The following PTCH1 variants were observed in gnomAD, a reference collection of about 807,000 sequenced individuals.
PTCH1 encodes patched 1.
PTCH1 carries 14 observed loss-of-function variants against 144.6 expected under a neutral mutation model. The observed-to-expected ratio is 0.10, with a 90% CI of 0.06 to 0.15. The LOEUF is 0.15. Ranked by LOEUF, PTCH1 falls within the 10% of genes least tolerant of loss-of-function variation. PTCH1 has a pLI of 1.00. For synonymous variants in PTCH1, 833 were observed against 793.6 expected (o/e 1.05, Z -0.83); for missense variants, 1,623 against 1,948.3 (o/e 0.83, Z 3.14).
At chr9:95,489,802 ATT>A (rs1272314588) in intron 2 of PTCH1, among the ~76,000 whole-genome samples, 3 of 136,962 alleles carry the variant, frequency 2.2e-5, no homozygotes. Flanking sequence ...GCTATGGATA[ATT>A]TTTTTTTTTT....
chr9:95,465,979 T>C (rs983462641), intron 15 of PTCH1, among the ~76,000 whole-genome samples: 4 of 152,220 alleles, frequency 2.6e-5, no homozygotes, highest in Non-Finnish European at 5.9e-5. Flanking sequence ...GACTTTTTTT[T>C]CCCCTCCAGC....
chr9:95,453,157 G>A (rs2136628757), intron 20 of PTCH1: 1 of 365,734 alleles, frequency 2.7e-6, no homozygotes, highest in South Asian at 2.3e-5. Flanking sequence ...TTTTGAGACA[G>A]AATCTCGCTC....
intron 1 of PTCH1, 76 bp from the exon 2 acceptor site, chr9:95,506,675 C>G (rs1274378588): frequency 7.3e-7 from 1 of 1,373,794 alleles, no homozygotes; most frequent in African/African-American, 1.5e-5. Flanking sequence ...TGCGCGCACC[C>G]GCCCGGTGAG....
intron 12 of PTCH1, among the ~76,000 whole-genome samples, chr9:95,471,223 C>T (rs1418088879): frequency 6.6e-6 from 1 of 152,168 alleles, no homozygotes. Flanking sequence ...TAACACAATC[C>T]AGGGAGAACT....
At chr9:95,485,232 A>G (rs1841874060) in intron 3 of PTCH1, among the ~76,000 whole-genome samples, 1 of 152,160 alleles carries the variant, frequency 6.6e-6, no homozygotes, top group African/African-American at 2.4e-5. Context: ...AGGTGTCAGC[A>G]ACAATTCCCA....
intron 12 of PTCH1, among the ~76,000 whole-genome samples, chr9:95,472,499 G>T (rs1446549969): frequency 6.6e-6 from 1 of 152,158 alleles, no homozygotes; most frequent in African/African-American, 2.4e-5. Context: ...GTCATCCTGG[G>T]GGCCGAATCC....
rs1489815283 is a variant in PTCH1, at chr9:95,443,797, TTTGTAA to T, written c.*2590_*2595del. On this transcript the variant is annotated 3_prime_UTR_variant, in exon 24 of 24. Transcript: ENST00000331920. ...ATAAATTATATGGCATACTTTTATC[TTTGTAA>T]TTGAAATGACACAAACTCATTTCCA... The T allele has an allele frequency of 6.6e-6, 1 of 152,670 alleles. No individual in the cohort carries two copies. The highest frequency in any genetic ancestry group is 1.5e-5 in the Non-Finnish European group (1 of 68,042). 9.5% of individuals were successfully genotyped at this position (152,670 alleles called of 1,614,324 possible). A position where few individuals can be genotyped will look rare whatever the true frequency, so the allele number is the denominator to read the frequency against.
intron 2 of PTCH1, among the ~76,000 whole-genome samples, chr9:95,502,468 C>T (rs1843212625): frequency 6.6e-6 from 1 of 152,200 alleles, no homozygotes; most frequent in South Asian, 2.1e-4. Context: ...TTCTCCCCCA[C>T]CTTGCTGCCA....
At chr9:95,506,717 C>T in intron 1 of PTCH1, 118 bp from the exon 2 acceptor site, 14 of 1,119,138 alleles carry the variant, frequency 1.3e-5, no homozygotes, top group Non-Finnish European at 1.5e-5. Flanking sequence ...CGGGTGGCCG[C>T]GGCACACGGA....
At chr9:95,501,815 G>A (rs1326961177) in intron 2 of PTCH1, among the ~76,000 whole-genome samples, 1 of 152,152 alleles carries the variant, frequency 6.6e-6, no homozygotes, top group Non-Finnish European at 1.5e-5. Flanking sequence ...GATACTGAGG[G>A]AGATGGGTTA....
intron 17 of PTCH1, 152 bp downstream of exon 17, chr9:95,459,448 T>C (rs1839257790): frequency 1.0e-6 from 1 of 980,622 alleles, no homozygotes; most frequent in Admixed American, 2.0e-5. Flanking sequence ...CACATCCTCG[T>C]CTCCCAGAGT....
exon 1 of PTCH1, chr9:95,516,888 A>G (rs1412741608): frequency 1.7e-5 from 23 of 1,356,394 alleles, no homozygotes; most frequent in Non-Finnish European, 2.2e-5. Flanking sequence ...CGGATCCGAA[A>G]ACTTTACCCC....
At chr9:95,487,619 TTA>T (rs1362235621) in intron 2 of PTCH1, among the ~76,000 whole-genome samples, 1 of 152,206 alleles carries the variant, frequency 6.6e-6, no homozygotes, top group Admixed American at 6.5e-5. Context: ...AAAAAGCCAG[TTA>T]TGAGTCCAGA....
intron 1 of PTCH1, among the ~76,000 whole-genome samples, chr9:95,515,730 T>A (rs750594698): frequency 6.6e-6 from 1 of 152,130 alleles, no homozygotes; most frequent in Non-Finnish European, 1.5e-5. Context: ...CCCAAGCGCC[T>A]GAATCGGTGG....
chr9:95,453,884 T>G (rs1838690011), intron 19 of PTCH1, among the ~76,000 whole-genome samples: 1 of 152,230 alleles, frequency 6.6e-6, no homozygotes, highest in Non-Finnish European at 1.5e-5. Context: ...AAATGTCCCC[T>G]TCTTTTCACT....
At chr9:95,471,733 G>T (rs1840602539) in intron 12 of PTCH1, among the ~76,000 whole-genome samples, 2 of 152,128 alleles carry the variant, frequency 1.3e-5, no homozygotes, top group South Asian at 4.1e-4. Flanking sequence ...AGAGGCTTCA[G>T]CAGGGTTTAT....
At chr9:95,491,675 G>T (rs1463519959) in intron 2 of PTCH1, among the ~76,000 whole-genome samples, 1 of 152,124 alleles carries the variant, frequency 6.6e-6, no homozygotes, top group Non-Finnish European at 1.5e-5. Flanking sequence ...CACCAGCTGA[G>T]AACATGAGTA....
rs140080993 is a variant in PTCH1 at position 95,470,253 on chromosome 9, G to A, written c.1729-322C>T. Among the ~76,000 whole-genome samples, 634 of 152,300 alleles carry A rather than the reference G, an allele frequency of 4.2e-3. 2 individuals are homozygous for A. The highest frequency in any genetic ancestry group is 0.01 in the Middle Eastern group (3 of 294). On this transcript the variant is annotated intron_variant, in intron 12 of 23. Transcript: ENST00000331920. Reference sequence around the variant, plus strand: ...CAAAGGCAGAACAGAGAGCACACTCGAGATAGAATTTAAAACAAACAGAAG... The same window carrying A: ...CAAAGGCAGAACAGAGAGCACACTCAAGATAGAATTTAAAACAAACAGAAG...
In PTCH1 at chr9:95,476,727, C is replaced by T. The variant is rs2118277703; in HGVS notation, c.1602+32G>A. ...TAGGAACAGAGGAAGCTGTGATGTC[C>T]CCAAAGCTCTCTTCTTTTGTTTTTG... On this transcript the variant is annotated intron_variant, in intron 11 of 23. Transcript: ENST00000331920. This position sits in a 1 kb window ranked among gnomAD's most constrained non-coding sequence, Gnocchi z 4.6. 7 of 1,579,604 alleles carry T rather than the reference C, an allele frequency of 4.4e-6. No individual in the cohort carries two copies. The highest frequency in any genetic ancestry group is 6.1e-6 in the Non-Finnish European group (7 of 1,152,102).
Sources: allele counts gnomAD v4.1 joint callset (sites outside exome capture counted in the v4.1 genomes callset), GRCh38; gene constraint gnomAD v4.1.1; non-coding constraint Gnocchi (gnomAD v3.1); transcripts MANE v1.5; gene names NCBI Gene and HGNC (gene_info 2026-07-23, HGNC 2026-07-21).